SYT11: variants seen among roughly 807,000 people sequenced by gnomAD.
The protein encoded by SYT11 is synaptotagmin-11.
A neutral mutation model predicts 30.4 loss-of-function variants in SYT11; 12 were observed. The ratio of observed to expected loss-of-function variants is 0.39; its 90% confidence interval spans 0.25 to 0.64. SYT11 has a LOEUF of 0.64. SYT11 is among the 30% of genes least tolerant of loss of function. The pLI is 0.45. For missense variants in SYT11, 412 were observed against 552.0 expected (o/e 0.75, Z 2.54); for synonymous variants, 204 against 216.0 (o/e 0.94, Z 0.49).
intron 2 of SYT11, among the ~76,000 whole-genome samples, chr1:155,877,621 T>C (rs536746480): frequency 3.1e-4 from 47 of 150,154 alleles, no homozygotes; most frequent in Non-Finnish European, 5.0e-4. Context: ...TGGCGCAATC[T>C]CGGCTCACTG....
rs1409585543 is a variant in SYT11 at position 155,860,392 on chromosome 1, G to T, written c.34+597G>T. ...GGGGCTAGGAGGAAACGTGAGCCCT[G>T]CAAGCTCCATTCCGCATCGTAATGG... On this transcript the variant is annotated intron_variant, in intron 1 of 3. Coordinates refer to ENST00000368324, the MANE Select transcript of SYT11 (RefSeq NM_152280.5). The surrounding 1 kb of genome is among the most constrained non-coding windows in gnomAD (Gnocchi z 4.1). 6.6e-6 allele frequency among the ~76,000 whole-genome samples: 1 copy of T among 152,212 alleles called. No individual in the cohort carries two copies. The highest frequency in any genetic ancestry group is 1.5e-5 in the Non-Finnish European group (1 of 68,038).
In SYT11 at chr1:155,875,379, AG is replaced by A. The variant is rs1315669799; in HGVS notation, c.862-5120del. On this transcript the variant is annotated intron_variant, in intron 2 of 3. Transcript: ENST00000368324. Reference sequence around the variant, plus strand: ...TCCCCTTTTGTATTTCAATTTCAAAAGCTAAGGAGTGGGTTTAAACCTTGGT... The same window carrying A: ...TCCCCTTTTGTATTTCAATTTCAAAACTAAGGAGTGGGTTTAAACCTTGGT... Among the ~76,000 whole-genome samples the A allele has an allele frequency of 1.6e-4, 24 of 152,202 alleles. No homozygotes were observed. In the East Asian group the frequency reaches 4.4e-3, roughly 28 times the overall value.
At chr1:155,862,725 C>A (rs1672613302) in intron 1 of SYT11, among the ~76,000 whole-genome samples, 1 of 152,250 alleles carries the variant, frequency 6.6e-6, no homozygotes, top group Admixed American at 6.5e-5. Flanking sequence ...GCCTTCAGAT[C>A]TCTCTTTATG....
intron 2 of SYT11, among the ~76,000 whole-genome samples, chr1:155,874,109 T>G (rs909431761): frequency 1.3e-5 from 2 of 152,108 alleles, no homozygotes; most frequent in Non-Finnish European, 2.9e-5. Flanking sequence ...AAGACCAGCC[T>G]GGCCAACGTG....
Position 155,882,277 on chromosome 1 carries a change from C to A in SYT11, c.*769C>A, listed in dbSNP as rs1211947253. Reference sequence around the variant, plus strand: ...TTCTCTGGAGAATTTCTCCCACTCCCCACCTCTGCAGAAGAAAATTTTGCT... The same window carrying A: ...TTCTCTGGAGAATTTCTCCCACTCCACACCTCTGCAGAAGAAAATTTTGCT... On this transcript the variant is annotated 3_prime_UTR_variant, in exon 4 of 4. Transcript: ENST00000368324. 6.6e-6 allele frequency: 1 copy of A among 152,276 alleles called. No homozygotes were observed. Among genetic ancestry groups the A allele is most frequent in the African/African-American group, 2.4e-5 (1 of 41,426 alleles). 9.4% of individuals were successfully genotyped at this position (152,276 alleles called of 1,614,324 possible). A position where few individuals can be genotyped will look rare whatever the true frequency, so the allele number is the denominator to read the frequency against.
At chr1:155,876,497 C>A (rs1279478725) in intron 2 of SYT11, among the ~76,000 whole-genome samples, 1 of 151,942 alleles carries the variant, frequency 6.6e-6, no homozygotes, top group South Asian at 2.1e-4. Flanking sequence ...CCGTCCGCCT[C>A]GGCCTCCCAA....
Position 155,868,511 on chromosome 1 carries a change from C to G in SYT11, c.581C>G (p.Ser194Cys). The G allele has an allele frequency of 6.2e-7, 1 of 1,614,164 alleles. No homozygotes were observed. Among genetic ancestry groups the G allele is most frequent in the Admixed American group, 1.7e-5 (1 of 60,016 alleles). Residue 194 changes from serine (S) to cysteine (C), a missense_variant, in exon 2 of 4, where the codon TCT becomes TGT. By Grantham distance (112) the Ser-to-Cys change is moderately radical. Coordinates refer to ENST00000368324, the MANE Select transcript of SYT11 (RefSeq NM_152280.5). The surrounding 1 kb of genome is among the most constrained non-coding windows in gnomAD (Gnocchi z 4.7). ...GTGATGGATGACCAGACCCAGGGAT[C>G]TGACCCCTACATCAAAATGACCATC... ...LPVMDDQTQG[S>C]DPYIKMTILP...
intron 3 of SYT11, 58 bp from the exon 4 acceptor site, chr1:155,881,140 A>T: frequency 6.6e-7 from 1 of 1,523,458 alleles, no homozygotes; most frequent in Non-Finnish European, 8.9e-7. Flanking sequence ...ACCATTACAT[A>T]GGAGAGGACT....
intron 2 of SYT11, among the ~76,000 whole-genome samples, chr1:155,875,795 TCA>T (rs1672850815): frequency 1.3e-5 from 2 of 152,356 alleles, no homozygotes; most frequent in Admixed American, 1.3e-4. Flanking sequence ...ATGTGAAATA[TCA>T]CAGTTTCATT....
At chr1:155,864,504 A>G (rs1049832134) in intron 1 of SYT11, among the ~76,000 whole-genome samples, 2 of 152,050 alleles carry the variant, frequency 1.3e-5, no homozygotes, top group Admixed American at 6.6e-5. Flanking sequence ...AAAGCCATGG[A>G]TTGGTTGGAG....
At chr1:155,871,680 G>C (rs1320740330) in intron 2 of SYT11, among the ~76,000 whole-genome samples, 2 of 152,190 alleles carry the variant, frequency 1.3e-5, no homozygotes, top group African/African-American at 4.8e-5. Flanking sequence ...ATAAGCCAGG[G>C]CTAGGATCCT....
chr1:155,859,962 T>C (rs1672524441), intron 1 of SYT11, among the ~76,000 whole-genome samples, 167 bp downstream of exon 1: 1 of 152,138 alleles, frequency 6.6e-6, no homozygotes, highest in Admixed American at 6.5e-5. Flanking sequence ...CAGTTGACAG[T>C]GCATGAACTT....
At position 155,868,607 on chromosome 1, in the gene SYT11, C is replaced by T. The variant is rs1672728349; in HGVS notation, c.677C>T (p.Thr226Ile). The T allele has an allele frequency of 2.5e-6, 4 of 1,614,106 alleles. No homozygotes were observed. The highest frequency in any genetic ancestry group is 3.4e-6 in the Non-Finnish European group (4 of 1,180,006). ...ACCCTGGACCCTGTGTTTGACGAGA[C>T]CTTCACCTTCTATGGCATCCCCTAC... ...RKTLDPVFDE[T>I]FTFYGIPYSQ... The change falls in exon 2 of 4, where the codon ACC becomes ATC. Residue 226 changes from threonine to isoleucine, a missense_variant. Physicochemically the swap from Thr to Ile is moderately conservative, Grantham distance 89 (BLOSUM62 -1). Coordinates refer to ENST00000368324, the MANE Select transcript of SYT11 (RefSeq NM_152280.5). The surrounding 1 kb of genome is among the most constrained non-coding windows in gnomAD (Gnocchi z 4.7).
rs142388437 is a variant in SYT11 at position 155,868,052 on chromosome 1, A to G, written c.122A>G (p.His41Arg). The G allele has an allele frequency of 2.0e-4, 324 of 1,613,786 alleles. No individual in the cohort carries two copies. The highest frequency in any genetic ancestry group is 2.5e-4 in the Non-Finnish European group (291 of 1,179,960). Residue 41 changes from histidine to arginine, a missense_variant, in exon 2 of 4, where the codon CAC becomes CGC. Physicochemically the swap from His to Arg is conservative, Grantham distance 29. Coordinates refer to ENST00000368324, the MANE Select transcript of SYT11 (RefSeq NM_152280.5). This position sits in a 1 kb window ranked among gnomAD's most constrained non-coding sequence, Gnocchi z 4.7. ...SVTVFVWSCC[H>R]QQAEKKQKNP... Reference sequence around the variant, plus strand: ...ACCGTCTTTGTCTGGTCATGCTGCCACCAGCAGGCAGAGAAGAAGCAGAAG... The same window carrying G: ...ACCGTCTTTGTCTGGTCATGCTGCCGCCAGCAGGCAGAGAAGAAGCAGAAG...
chr1:155,880,577 C>G lies in SYT11; in HGVS notation c.939C>G (p.Leu313=). The change falls in exon 3 of 4, where the codon CTC becomes CTG. Residue 313 remains leucine (L), a synonymous_variant. Coordinates refer to ENST00000368324, the MANE Select transcript of SYT11 (RefSeq NM_152280.5). ...CACAGAGAATGACAGTGGTGGTCCT[C>G]AAAGCCAGACACTTGCCGAAGATGG... ...PVAQRMTVVV[L]KARHLPKMDI... 2 of 1,614,110 alleles carry G rather than the reference C, an allele frequency of 1.2e-6. No individual in the cohort carries two copies. Among genetic ancestry groups the G allele is most frequent in the South Asian group, 1.1e-5 (1 of 91,082 alleles).
Position 155,881,465 on chromosome 1 carries a change from C to T in SYT11, c.1253C>T (p.Pro418Leu). ...AEHWREVCESPRKPVAKWHSL... is the reference protein window; with the variant it reads ...AEHWREVCESLRKPVAKWHSL... Reference sequence around the variant, plus strand: ...CACTGGAGAGAGGTCTGCGAGAGCCCCCGCAAGCCTGTGGCCAAGTGGCAC... The same window carrying T: ...CACTGGAGAGAGGTCTGCGAGAGCCTCCGCAAGCCTGTGGCCAAGTGGCAC... The change falls in exon 4 of 4, where the codon CCC (proline) becomes CTC (leucine). Residue 418 changes from proline to leucine, a missense_variant. Pro to Leu is a moderately conservative substitution (Grantham distance 98, BLOSUM62 -3). Transcript: ENST00000368324. 3 of 1,611,858 alleles carry T rather than the reference C, an allele frequency of 1.9e-6. No homozygotes were observed. The highest frequency in any genetic ancestry group is 2.5e-6 in the Non-Finnish European group (3 of 1,178,218).
intron 1 of SYT11, among the ~76,000 whole-genome samples, chr1:155,866,651 G>T (rs1557946567): frequency 6.6e-6 from 1 of 151,976 alleles, no homozygotes; most frequent in Non-Finnish European, 1.5e-5. Context: ...GTGTATCAGA[G>T]AGCGAGAATG....
chr1:155,868,291 C>A lies in SYT11; in HGVS notation c.361C>A (p.Gln121Lys). The A allele has an allele frequency of 3.1e-6, 5 of 1,614,020 alleles. No individual in the cohort carries two copies. Among genetic ancestry groups the A allele is most frequent in the Non-Finnish European group, 3.4e-6 (4 of 1,179,996 alleles). Reference protein sequence around the residue: ...RGPSSGSCIDQLPIKMDYGEE... With the variant: ...RGPSSGSCIDKLPIKMDYGEE... ...GCCTAGCTCTGGATCTTGTATAGAC[C>A]AATTACCCATCAAAATGGACTATGG... Residue 121 changes from glutamine to lysine, a missense_variant, in exon 2 of 4, where the codon CAA becomes AAA. Physicochemically the swap from Gln to Lys is moderately conservative, Grantham distance 53. Coordinates refer to ENST00000368324, the MANE Select transcript of SYT11 (RefSeq NM_152280.5). The surrounding 1 kb of genome is among the most constrained non-coding windows in gnomAD (Gnocchi z 4.7).
At chr1:155,873,635 T>G (rs1262056804) in intron 2 of SYT11, among the ~76,000 whole-genome samples, 1 of 152,190 alleles carries the variant, frequency 6.6e-6, no homozygotes, top group Admixed American at 6.5e-5. Context: ...CAAAAGTCCT[T>G]TCTAGATCAG....
Sources: allele counts gnomAD v4.1 joint callset (sites outside exome capture counted in the v4.1 genomes callset), GRCh38; gene constraint gnomAD v4.1.1; non-coding constraint Gnocchi (gnomAD v3.1); transcripts MANE v1.5; gene names NCBI Gene and HGNC (gene_info 2026-07-23, HGNC 2026-07-21).